Variants in SLC35D4 observed in about 807,000 individuals in gnomAD.
SLC35D4 encodes UDP-N-acetylglucosamine transporter SLC35D4.
the SLC35D4 span, among the ~76,000 whole-genome samples, chr18:23,357,113 G>A: frequency 6.6e-6 from 1 of 152,280 alleles, no homozygotes. Context: ...AAGGGAGCAT[G>A]CAGGATAAAA....
the SLC35D4 span, among the ~76,000 whole-genome samples, chr18:23,419,980 T>A: frequency 5.3e-5 from 8 of 152,062 alleles, no homozygotes; most frequent in Admixed American, 3.9e-4. Flanking sequence ...GTACAGTACA[T>A]CAAGACAAAA....
the SLC35D4 span, chr18:23,356,715 C>T: frequency 6.4e-7 from 1 of 1,571,478 alleles, no homozygotes; most frequent in South Asian, 1.1e-5. The surrounding 1 kb of genome is among the most constrained non-coding windows in gnomAD (Gnocchi z 4.1). Context: ...TCACATGACC[C>T]TCTGCCCCAT....
At chr18:23,334,671 A>G in the SLC35D4 span, among the ~76,000 whole-genome samples, 1 of 152,266 alleles carries the variant, frequency 6.6e-6, no homozygotes, top group South Asian at 2.1e-4. Flanking sequence ...AAGAACGACC[A>G]GGTTAGCGCA....
chr18:23,311,970 T>A, the SLC35D4 span, among the ~76,000 whole-genome samples: 1 of 152,268 alleles, frequency 6.6e-6, no homozygotes, highest in South Asian at 2.1e-4. Flanking sequence ...TCCATCCCAC[T>A]GATGGATGTT....
chr18:23,355,734 C>T, the SLC35D4 span, among the ~76,000 whole-genome samples: 1 of 152,040 alleles, frequency 6.6e-6, no homozygotes, highest in Non-Finnish European at 1.5e-5. Flanking sequence ...CTGATTTTTA[C>T]ATAGCAATTC....
At chr18:23,399,761 AATCCCT>A in the SLC35D4 span, 7 of 956,562 alleles carry the variant, frequency 7.3e-6, no homozygotes, top group Non-Finnish European at 1.1e-5. Flanking sequence ...GCTGTCTAAA[AATCCCT>A]GGCAGACTTG....
the SLC35D4 span, chr18:23,252,930 G>C: frequency 1.4e-6 from 2 of 1,424,232 alleles, no homozygotes; most frequent in Non-Finnish European, 2.0e-6. Flanking sequence ...TTGTTTTAAG[G>C]AGTGATCCGT....
chr18:23,276,499 T>C, the SLC35D4 span, among the ~76,000 whole-genome samples: 1 of 149,820 alleles, frequency 6.7e-6, no homozygotes, highest in South Asian at 2.1e-4. Flanking sequence ...GGGAGAACAA[T>C]AGGCCCAAGG....
the SLC35D4 span, among the ~76,000 whole-genome samples, chr18:23,239,089 T>C: frequency 1.3e-5 from 2 of 152,256 alleles, no homozygotes; most frequent in African/African-American, 2.4e-5. Flanking sequence ...TGATCTTTTT[T>C]TTCTTTAAAT....
chr18:23,428,682 TA>T, the SLC35D4 span, among the ~76,000 whole-genome samples: 5 of 135,618 alleles, frequency 3.7e-5, no homozygotes, highest in African/African-American at 1.3e-4. Context: ...CATGCCTAGC[TA>T]ATTTTTTTTT....
At chr18:23,426,888 G>C in the SLC35D4 span, among the ~76,000 whole-genome samples, 1 of 152,110 alleles carries the variant, frequency 6.6e-6, no homozygotes, top group African/African-American at 2.4e-5. Flanking sequence ...TTTGATCTTT[G>C]ACAAACCTGA....
At chr18:23,364,398 A>C in the SLC35D4 span, among the ~76,000 whole-genome samples, 6 of 152,170 alleles carry the variant, frequency 3.9e-5, no homozygotes, top group Non-Finnish European at 5.9e-5. Context: ...TTCTGAGTCT[A>C]TTCTTTGCAC....
At chr18:23,257,015 G>T in the SLC35D4 span, 1 of 572,672 alleles carries the variant, frequency 1.7e-6, no homozygotes, top group Non-Finnish European at 3.0e-6. Flanking sequence ...GTGTGGTTCC[G>T]GGCAGCCCCT....
the SLC35D4 span, among the ~76,000 whole-genome samples, chr18:23,303,631 T>C: frequency 1.3e-5 from 2 of 152,248 alleles, no homozygotes; most frequent in African/African-American, 2.4e-5. Flanking sequence ...CTGGGCGCAG[T>C]GGCTCACGCC....
chr18:23,422,160 G>T, the SLC35D4 span, among the ~76,000 whole-genome samples: 2 of 151,946 alleles, frequency 1.3e-5, no homozygotes, highest in Non-Finnish European at 1.5e-5. Context: ...TAGATTTGGG[G>T]GTATATATGC....
the SLC35D4 span, among the ~76,000 whole-genome samples, chr18:23,268,102 C>T: frequency 6.6e-6 from 1 of 152,154 alleles, no homozygotes; most frequent in Non-Finnish European, 1.5e-5. Flanking sequence ...TTATCTTTTC[C>T]ATAGTGAATA....
chr18:23,311,105 T>C, the SLC35D4 span, among the ~76,000 whole-genome samples: 997 of 139,678 alleles, frequency 7.1e-3, 11 homozygotes, highest in African/African-American at 0.024. Context: ...TTCTCTTCCC[T>C]TTTTTTTTTT....
the SLC35D4 span, among the ~76,000 whole-genome samples, chr18:23,350,823 C>T: frequency 6.6e-6 from 1 of 152,138 alleles, no homozygotes; most frequent in African/African-American, 2.4e-5. Context: ...GTTGAACTAT[C>T]ACACTGGGGA....
At chr18:23,295,412 T>A in the SLC35D4 span, among the ~76,000 whole-genome samples, 4 of 152,002 alleles carry the variant, frequency 2.6e-5, no homozygotes, top group Non-Finnish European at 5.9e-5. Flanking sequence ...TGAGAAGGTA[T>A]GTCAGGCAGC....
Sources: allele counts gnomAD v4.1 joint callset (sites outside exome capture counted in the v4.1 genomes callset), GRCh38; gene constraint gnomAD v4.1.1; non-coding constraint Gnocchi (gnomAD v3.1); transcripts MANE v1.5; gene names NCBI Gene and HGNC (gene_info 2026-07-23, HGNC 2026-07-21).